The following GRID2 variants were observed in gnomAD, a reference collection of about 807,000 sequenced individuals.
The protein encoded by GRID2 is glutamate receptor ionotropic, delta-2.
Under a neutral mutation model 114.8 loss-of-function variants are expected in GRID2, and 33 were observed. The ratio of observed to expected loss-of-function variants is 0.29; its 90% CI spans 0.22 to 0.38. The LOEUF is 0.38. GRID2 is among the 10% of genes least tolerant of loss of function. GRID2 has a pLI of 1.00. For synonymous variants in GRID2, 505 were observed against 449.9 expected, an observed-to-expected ratio of 1.12 and a Z score of -1.55; for missense variants, 1,184 against 1,257.7, an observed-to-expected ratio of 0.94 and a Z score of 0.89.
intron 2 of GRID2, among the ~76,000 whole-genome samples, chr4:92,769,654 A>G (rs1346628629): frequency 6.6e-6 from 1 of 152,170 alleles, no homozygotes; most frequent in Non-Finnish European, 1.5e-5. Context: ...ACTTCTGTGC[A>G]CCTGCAGGCT....
intron 2 of GRID2, among the ~76,000 whole-genome samples, chr4:93,044,944 A>G (rs1447217389): frequency 6.6e-6 from 1 of 152,162 alleles, no homozygotes; most frequent in African/African-American, 2.4e-5. Flanking sequence ...AATTAAATAA[A>G]TGCTAATGAA....
At chr4:93,524,838 T>C (rs998849886) in intron 13 of GRID2, among the ~76,000 whole-genome samples, 1 of 116,182 alleles carries the variant, frequency 8.6e-6, no homozygotes, top group Non-Finnish European at 1.7e-5. Flanking sequence ...TATATATATA[T>C]ATATATATAT....
intron 13 of GRID2, among the ~76,000 whole-genome samples, chr4:93,588,419 T>C (rs1489023476): frequency 2.0e-5 from 3 of 152,174 alleles, no homozygotes; most frequent in South Asian, 2.1e-4. Context: ...TTCAGAGTTA[T>C]AGATAACCTA....
rs1256248846 is a variant in GRID2, at chr4:92,387,659, GA to G, written c.88+82918del. Among the ~76,000 whole-genome samples the G allele has an allele frequency of 5.9e-5, 9 of 151,944 alleles. No individual in the cohort carries two copies. The East Asian group carries it at 1.7e-3, about 29-fold the overall frequency. Reference sequence around the variant, plus strand: ...GAGGAAGGAAGTGTAAGTGGCTCTGGAAAGCTCCCTCTGGTGGAGAATGTCT... The same window carrying G: ...GAGGAAGGAAGTGTAAGTGGCTCTGGAAGCTCCCTCTGGTGGAGAATGTCT... On this transcript the variant is annotated intron_variant, in intron 1 of 15. Transcript: ENST00000282020.
At position 92,304,434 on chromosome 4, in the gene GRID2, A is replaced by G. The variant is rs1041244351; in HGVS notation, c.-223A>G. The G allele has an allele frequency of 1.9e-5, 11 of 590,370 alleles. No homozygotes were observed. Among genetic ancestry groups the G allele is most frequent in the Admixed American group, 9.2e-5 (3 of 32,738 alleles). The allele number at this position is 590,370 out of a possible 1,614,324, so 36.6% of individuals were successfully genotyped here. A position where few individuals can be genotyped will look rare whatever the true frequency, so the allele number is the denominator to read the frequency against. ...TCTGGCGATGCCAAAATTCCCCTCC[A>G]AGTGACACGGCTTTGCGAAGGAGGT... On this transcript the variant is annotated 5_prime_UTR_variant, in exon 1 of 16. Transcript: ENST00000282020.
At chr4:93,529,339 T>C (rs1215173000) in intron 13 of GRID2, among the ~76,000 whole-genome samples, 1 of 152,172 alleles carries the variant, frequency 6.6e-6, no homozygotes, top group African/African-American at 2.4e-5. Context: ...AAAGCCCTGG[T>C]CTTAAGCCAG....
intron 8 of GRID2, among the ~76,000 whole-genome samples, chr4:93,303,971 T>A (rs1159560449): frequency 1.3e-5 from 2 of 152,010 alleles, no homozygotes; most frequent in African/African-American, 4.8e-5. Flanking sequence ...ACTAATTGAA[T>A]TATATTTTTC....
intron 12 of GRID2, among the ~76,000 whole-genome samples, chr4:93,513,701 G>T (rs143677368): frequency 6.6e-5 from 10 of 152,220 alleles, no homozygotes; most frequent in African/African-American, 2.4e-4. Context: ...TAGTTTCCAT[G>T]GAGTAAATAA....
chr4:93,359,326 T>C (rs1295537299), intron 8 of GRID2, among the ~76,000 whole-genome samples: 2 of 151,974 alleles, frequency 1.3e-5, no homozygotes, highest in Admixed American at 1.3e-4. Flanking sequence ...TATATATTTA[T>C]GGGGTACATG....
chr4:92,536,691 AT>A (rs1429795653), intron 1 of GRID2, among the ~76,000 whole-genome samples: 11 of 152,196 alleles, frequency 7.2e-5, no homozygotes, highest in Non-Finnish European at 1.3e-4. Context: ...CCTTTAAAAA[AT>A]AATTTTCTTC....
intron 1 of GRID2, among the ~76,000 whole-genome samples, chr4:92,390,340 G>A (rs1166928841): frequency 1.3e-5 from 2 of 152,120 alleles, no homozygotes; most frequent in African/African-American, 4.8e-5. Flanking sequence ...GCAAATAAGT[G>A]TCAGATCTAA....
At chr4:93,681,902 A>G (rs920871767) in intron 14 of GRID2, among the ~76,000 whole-genome samples, 1 of 151,640 alleles carries the variant, frequency 6.6e-6, no homozygotes, top group African/African-American at 2.4e-5. Flanking sequence ...ACCAAAAGCA[A>G]TGGCAACAAA....
chr4:92,889,712 A>G (rs943660161), intron 2 of GRID2, among the ~76,000 whole-genome samples: 3 of 152,186 alleles, frequency 2.0e-5, no homozygotes, highest in Admixed American at 6.6e-5. Flanking sequence ...TATAGATTCA[A>G]TACTATTCCC....
At chr4:93,161,907 C>T (rs116214608) in intron 4 of GRID2, among the ~76,000 whole-genome samples, 5,314 of 151,620 alleles carry the variant, frequency 0.035, 293 homozygotes, top group African/African-American at 0.12. Context: ...AATTTTTTAT[C>T]TCATAAAATC....
chr4:93,576,875 G>C (rs571784261), intron 13 of GRID2, among the ~76,000 whole-genome samples: 1 of 152,248 alleles, frequency 6.6e-6, no homozygotes, highest in South Asian at 2.1e-4. Flanking sequence ...GTAAAAAAGG[G>C]TGAAGAAAAG....
intron 2 of GRID2, among the ~76,000 whole-genome samples, chr4:92,599,676 T>C (rs1238530178): frequency 1.3e-5 from 2 of 152,098 alleles, no homozygotes; most frequent in African/African-American, 4.8e-5. Context: ...TTAAGTCCAT[T>C]TCTTAAGCTA....
chr4:92,531,486 C>T (rs2149151293), intron 1 of GRID2, among the ~76,000 whole-genome samples: 1 of 151,804 alleles, frequency 6.6e-6, no homozygotes, highest in South Asian at 2.1e-4. Context: ...TGGAAGGTAC[C>T]AAAAAGGATC....
chr4:93,148,496 T>A (rs1191155333), intron 4 of GRID2, among the ~76,000 whole-genome samples: 3 of 152,176 alleles, frequency 2.0e-5, no homozygotes, highest in Admixed American at 6.5e-5. Context: ...CTTCAAAACC[T>A]AATTCTTCTT....
At chr4:93,316,653 CT>C in intron 8 of GRID2, among the ~76,000 whole-genome samples, 1 of 152,200 alleles carries the variant, frequency 6.6e-6, no homozygotes, top group South Asian at 2.1e-4. Context: ...AAATACACGG[CT>C]TTTTTCTCCC....
Sources: allele counts gnomAD v4.1 joint callset (sites outside exome capture counted in the v4.1 genomes callset), GRCh38; gene constraint gnomAD v4.1.1; transcripts MANE v1.5; gene names NCBI Gene and HGNC (gene_info 2026-07-23, HGNC 2026-07-21).